DLGAP2: variants seen among roughly 807,000 people sequenced by gnomAD.
DLGAP2 encodes disks large-associated protein 2.
In DLGAP2, 26 loss-of-function variants were observed where a neutral mutation model predicts 100.3. That is an observed-to-expected ratio of 0.26 (90% CI 0.19 to 0.36). The LOEUF is 0.36. Among genes scored for constraint, DLGAP2 ranks in the 10% least tolerant of loss-of-function variants. The probability of loss-of-function intolerance (pLI) is 1.00; values close to 1 mark genes in which losing one functional copy is unlikely to be tolerated. For synonymous variants in DLGAP2, 886 were observed against 630.1 expected, an observed-to-expected ratio of 1.41 and a Z score of -6.08; for missense variants, 1,858 against 1,453.2, an observed-to-expected ratio of 1.28 and a Z score of -4.53.
At chr8:926,613 C>T (rs113850117) in intron 2 of DLGAP2, among the ~76,000 whole-genome samples, 1 of 152,206 alleles carries the variant, frequency 6.6e-6, no homozygotes, top group Non-Finnish European at 1.5e-5. Flanking sequence ...CACCGGGTGG[C>T]ACAGGGAGCT....
At chr8:993,610 C>T (rs1027649905) in intron 2 of DLGAP2, among the ~76,000 whole-genome samples, 3 of 152,116 alleles carry the variant, frequency 2.0e-5, no homozygotes, top group Admixed American at 2.0e-4. Context: ...TTGCTGATGC[C>T]TGGTGTGTAT....
rs141612871 is a variant in DLGAP2, at chr8:1,154,433, G to A, written c.74-104418G>A. On this transcript the variant is annotated intron_variant, in intron 2 of 14. Coordinates refer to ENST00000637795, the MANE Select transcript of DLGAP2 (RefSeq NM_001346810.2). ...TCTCTTCCAACTGATCAAAGTAGTA[G>A]GTGTCACTCACTTCTACCGTAAATT... Among the ~76,000 whole-genome samples the A allele has an allele frequency of 2.2e-3, 334 of 152,216 alleles. 2 individuals carry two copies. The highest frequency in any genetic ancestry group is 7.6e-3 in the African/African-American group (315 of 41,534).
chr8:1,002,364 T>A (rs564116394), intron 2 of DLGAP2: 10 of 152,348 alleles, frequency 6.6e-5, no homozygotes, highest in African/African-American at 2.4e-4. Context: ...TTTAACTAGA[T>A]GCATGCTGCA....
rs543544780 is a variant in DLGAP2, at chr8:1,575,436, G to A, written c.1442+9542G>A. ...TTGAGGGTCAAAAGAACCACCCTCC[G>A]TGAGACAGGAGGATATTCTTTATTA... On this transcript the variant is annotated intron_variant, in intron 6 of 14. Coordinates refer to ENST00000637795, the MANE Select transcript of DLGAP2 (RefSeq NM_001346810.2). Among the ~76,000 whole-genome samples the A allele has an allele frequency of 2.0e-4, 27 of 137,622 alleles. No individual in the cohort carries two copies. In the South Asian group the frequency reaches 3.1e-3, roughly 16 times the overall value. 90.3% of individuals were successfully genotyped at this position (137,622 alleles called of 152,430 possible). A position where few individuals can be genotyped will look rare whatever the true frequency, so the allele number is the denominator to read the frequency against.
chr8:1,316,134 C>G (rs181967950), intron 3 of DLGAP2, among the ~76,000 whole-genome samples: 1 of 119,174 alleles, frequency 8.4e-6, no homozygotes, highest in African/African-American at 3.1e-5. Flanking sequence ...AGAGCGTGTG[C>G]GAGTGCAGCG....
intron 2 of DLGAP2, among the ~76,000 whole-genome samples, chr8:1,193,073 T>G (rs1797673929): frequency 6.6e-6 from 1 of 152,174 alleles, no homozygotes; most frequent in Admixed American, 6.5e-5. Flanking sequence ...AGTCTATCAT[T>G]GTTGGACATT....
chr8:1,427,904 G>A (rs930595116), intron 3 of DLGAP2, among the ~76,000 whole-genome samples: 2 of 152,132 alleles, frequency 1.3e-5, no homozygotes. Flanking sequence ...TAACTTAACA[G>A]TGCCGCAATG....
chr8:850,360 C>T (rs1797162900), intron 1 of DLGAP2, among the ~76,000 whole-genome samples: 1 of 151,992 alleles, frequency 6.6e-6, no homozygotes, highest in Non-Finnish European at 1.5e-5. Context: ...GTTACGCTGC[C>T]TCTTGAAAGA....
intron 2 of DLGAP2, among the ~76,000 whole-genome samples, chr8:1,087,629 T>G (rs1371563280): frequency 6.6e-6 from 1 of 152,078 alleles, no homozygotes; most frequent in African/African-American, 2.4e-5. Flanking sequence ...CATCTGATCT[T>G]ATTTCTCCAA....
intron 8 of DLGAP2, among the ~76,000 whole-genome samples, chr8:1,664,961 T>A (rs921960240): frequency 3.3e-5 from 5 of 152,236 alleles, no homozygotes; most frequent in African/African-American, 1.2e-4. Flanking sequence ...AAATTCTTCT[T>A]TTTGTACGCT....
chr8:1,100,507 G>GGT lies in DLGAP2; in HGVS notation c.74-158328_74-158327dup, dbSNP rs112136851. Among the ~76,000 whole-genome samples, 279 of 151,164 alleles carry GGT rather than the reference G, an allele frequency of 1.8e-3. 1 individual carries two copies. Among genetic ancestry groups the GGT allele is most frequent in the Non-Finnish European group, 3.0e-3 (205 of 67,624 alleles). On this transcript the variant is annotated intron_variant, in intron 2 of 14. Transcript: ENST00000637795. ...GGGAAAAACATGTATTAGAGTTTGTGGTGTGTGTGTGTGTGTGCGTGCACG... is the reference window on the plus strand; with the variant it reads ...GGGAAAAACATGTATTAGAGTTTGTGGTGTGTGTGTGTGTGTGTGCGTGCACG...
At chr8:919,367 C>G (rs1358950019) in intron 2 of DLGAP2, among the ~76,000 whole-genome samples, 1 of 152,156 alleles carries the variant, frequency 6.6e-6, no homozygotes, top group Non-Finnish European at 1.5e-5. Context: ...TTCTGATGTT[C>G]TCAGTCTTTC....
intron 2 of DLGAP2, among the ~76,000 whole-genome samples, chr8:994,930 C>T (rs142928212): frequency 7.9e-4 from 120 of 152,224 alleles, no homozygotes; most frequent in African/African-American, 1.3e-3. Flanking sequence ...AATCGGACAA[C>T]GGTGGTACAG....
chr8:1,320,622 T>C (rs1200430636), intron 3 of DLGAP2, among the ~76,000 whole-genome samples: 1 of 152,204 alleles, frequency 6.6e-6, no homozygotes, highest in Non-Finnish European at 1.5e-5. Flanking sequence ...TTCTAAGTTC[T>C]GGTCATATGG....
rs1361873384 is a variant in DLGAP2, at chr8:1,407,835, C to T, written c.107-93531C>T. 2.7e-5 allele frequency among the ~76,000 whole-genome samples: 4 copies of T among 146,816 alleles called. No homozygotes were observed. In the South Asian group the frequency reaches 8.9e-4, roughly 33 times the overall value. On this transcript the variant is annotated intron_variant, in intron 3 of 14. Transcript: ENST00000637795. The stretch of plus-strand genomic sequence containing the variant: ...GAGTGCTTACTGAGCGCCACCTCCT[C>T]ATCCTCCGGAGTCGTGTATTGAGTG...
At chr8:1,499,641 G>A (rs958485166) in intron 3 of DLGAP2, among the ~76,000 whole-genome samples, 1 of 152,154 alleles carries the variant, frequency 6.6e-6, no homozygotes, top group Non-Finnish European at 1.5e-5. Context: ...TGAAGAAATG[G>A]GGTTATGTTA....
At chr8:772,190 T>C (rs1821381166) in intron 1 of DLGAP2, among the ~76,000 whole-genome samples, 1 of 152,292 alleles carries the variant, frequency 6.6e-6, no homozygotes, top group Admixed American at 6.5e-5. Flanking sequence ...CATCAGCCAC[T>C]GTGCCCAGCC....
At chr8:1,201,060 G>A (rs984118883) in intron 2 of DLGAP2, among the ~76,000 whole-genome samples, 1 of 152,174 alleles carries the variant, frequency 6.6e-6, no homozygotes, top group Non-Finnish European at 1.5e-5. Context: ...GCGGCCAGGC[G>A]GGTGCCGAGA....
chr8:1,112,106 T>G (rs567435959), intron 2 of DLGAP2, among the ~76,000 whole-genome samples: 1 of 152,314 alleles, frequency 6.6e-6, no homozygotes, highest in South Asian at 2.1e-4. Flanking sequence ...CCATTCTGAC[T>G]GGTGTGTGAT....
Sources: gnomAD v4.1 joint callset for allele counts (sites outside exome capture counted in the v4.1 genomes callset) on GRCh38, gnomAD v4.1.1 for gene constraint, MANE v1.5 for transcripts, NCBI Gene and HGNC (gene_info 2026-07-23, HGNC 2026-07-21) for gene names.